ESPL1: variants seen among roughly 807,000 people sequenced by gnomAD.
ESPL1 encodes the protein separin.
ESPL1 carries 50 observed loss-of-function variants against 217.2 expected under a neutral mutation model. That is an observed-to-expected ratio of 0.23 (90% CI 0.18 to 0.29). ESPL1 has a LOEUF of 0.29. Among genes scored for constraint, ESPL1 ranks in the 10% least tolerant of loss-of-function variants. The pLI is 1.00. For synonymous variants in ESPL1, 994 were observed against 1,081.3 expected, an observed-to-expected ratio of 0.92 and a Z score of 1.58; for missense variants, 1,834 against 2,603.0, an observed-to-expected ratio of 0.70 and a Z score of 6.43.
intron 22 of ESPL1, 22 bp from the exon 23 acceptor site, chr12:53,290,063 C>G (rs770487241): frequency 5.6e-6 from 9 of 1,608,260 alleles, no homozygotes; most frequent in Non-Finnish European, 8.5e-7. Flanking sequence ...CTGAATGAGT[C>G]TGGCTGTATC....
rs1385191435 is a variant in ESPL1 at position 53,292,821 on chromosome 12, G to C, written c.6012G>C (p.Gly2004=). 1 of 1,609,592 alleles carries C rather than the reference G, an allele frequency of 6.2e-7. No homozygotes were observed. Among genetic ancestry groups the C allele is most frequent in the African/African-American group, 1.3e-5 (1 of 74,940 alleles). ...KHDLYIYAGH[G]AGARFLDGQA... ...TCTGCCTTAGCTATGCAGGGCATGGGGCTGGTGCCCGCTTCCTTGATGGGC... is the reference window on the plus strand; with the variant it reads ...TCTGCCTTAGCTATGCAGGGCATGGCGCTGGTGCCCGCTTCCTTGATGGGC... Residue 2004 remains glycine, a synonymous_variant, in exon 30 of 31, where the codon GGG becomes GGC. Transcript: ENST00000257934. The surrounding 1 kb of genome is among the most constrained non-coding windows in gnomAD (Gnocchi z 4.5).
Position 53,292,186 on chromosome 12 carries a change from G to C in ESPL1, c.5797-92G>C. 7.1e-7 allele frequency: 1 copy of C among 1,411,614 alleles called. No homozygotes were observed. The highest frequency in any genetic ancestry group is 1.0e-6 in the Non-Finnish European group (1 of 996,380). The allele number at this position is 1,411,614 out of a possible 1,614,324, so 87.4% of individuals were successfully genotyped here. On this transcript the variant is annotated intron_variant, in intron 27 of 30. Transcript: ENST00000257934. This position sits in a 1 kb window ranked among gnomAD's most constrained non-coding sequence, Gnocchi z 4.5. ...CCTGAGAAGATAGGAGAGGGTCCTA[G>C]GAATGGCTCAGACATGGAAAGGGGC...
At chr12:53,273,837 T>G (rs1409667042) in intron 6 of ESPL1, among the ~76,000 whole-genome samples, 9 of 9,896 alleles carry the variant, frequency 9.1e-4, no homozygotes, top group Non-Finnish European at 1.4e-3. Context: ...GGTTTTTTGG[T>G]TTTTTTTTTT....
Position 53,286,386 on chromosome 12 carries a change from G to A in ESPL1, c.3650G>A (p.Ser1217Asn). Reference protein sequence around the residue: ...NHKTPPSLVPSLLDEILAQAY... With the variant: ...NHKTPPSLVPNLLDEILAQAY... ...AAAACACCCCCCTCCTTGGTTCCAA[G>A]CCTCTTGGATGAGATCTTGGCTCAA... is the stretch of plus-strand genomic sequence containing the variant. The change falls in exon 18 of 31, where the codon AGC (serine) becomes AAC (asparagine). Residue 1217 changes from serine (S) to asparagine (N), a missense_variant. This residue lies in a region of ESPL1 where 681 missense variants were observed against 808.0 expected (regional missense o/e 0.84). Coordinates refer to ENST00000257934, the MANE Select transcript of ESPL1 (RefSeq NM_012291.5). The surrounding 1 kb of genome is among the most constrained non-coding windows in gnomAD (Gnocchi z 5.3). 1.2e-6 allele frequency: 2 copies of A among 1,614,216 alleles called. No individual in the cohort carries two copies. Among genetic ancestry groups the A allele is most frequent in the Non-Finnish European group, 8.5e-7 (1 of 1,180,050 alleles).
At chr12:53,289,362 T>C in intron 21 of ESPL1, 42 bp from the exon 22 acceptor site, 2 of 1,610,694 alleles carry the variant, frequency 1.2e-6, no homozygotes, top group Non-Finnish European at 1.7e-6. Context: ...AGGTCCAGAC[T>C]TTGAAGGAAT....
Position 53,292,001 on chromosome 12 carries a change from G to A in ESPL1, c.5709G>A (p.Pro1903=), listed in dbSNP as rs539162861. The A allele has an allele frequency of 4.0e-5, 65 of 1,613,988 alleles. 1 individual carries two copies. The highest frequency in any genetic ancestry group is 5.5e-5 in the South Asian group (5 of 91,088). The change falls in exon 27 of 31, where the codon CCG becomes CCA. Residue 1903 remains proline, a synonymous_variant. Coordinates refer to ENST00000257934, the MANE Select transcript of ESPL1 (RefSeq NM_012291.5). The surrounding 1 kb of genome is among the most constrained non-coding windows in gnomAD (Gnocchi z 4.5). ...TTGCCCAGGACTTGCAGAAGCTGCC[G>A]TGGGAAAGCATGCCCAGCCTCCAAG... ...LVLDKDLQKL[P]WESMPSLQAL... is the part of the protein sequence containing the mutation.
In ESPL1 at chr12:53,282,524, C is replaced by CCACA; in HGVS notation, c.2791+89_2791+90insCACA. 7.9e-7 allele frequency: 1 copy of CCACA among 1,261,212 alleles called. No individual in the cohort carries two copies. The highest frequency in any genetic ancestry group is 1.1e-6 in the Non-Finnish European group (1 of 890,562). 78.1% of individuals were successfully genotyped at this position (1,261,212 alleles called of 1,614,324 possible). A position where few individuals can be genotyped will look rare whatever the true frequency, so the allele number is the denominator to read the frequency against. On this transcript the variant is annotated intron_variant, in intron 14 of 30. Transcript: ENST00000257934. The surrounding 1 kb of genome is among the most constrained non-coding windows in gnomAD (Gnocchi z 4.0). ...TCTCAAACCTCATCCCCTCTGCTGG[C>CCACA]TAACTATGTGGCCCAGCCTACCTAG... is the stretch of plus-strand genomic sequence containing the variant.
At chr12:53,285,010 C>CAAAAAA (rs546915854) in intron 17 of ESPL1, among the ~76,000 whole-genome samples, 2 of 100,496 alleles carry the variant, frequency 2.0e-5, no homozygotes, top group African/African-American at 3.7e-5. Flanking sequence ...GACTCTGACT[C>CAAAAAA]AAAAAAAAAA....
chr12:53,272,041 C>T (rs149190162), intron 5 of ESPL1, among the ~76,000 whole-genome samples: 7,933 of 149,782 alleles, frequency 0.053, 364 homozygotes, highest in East Asian at 0.15. Context: ...GAGCCAAGAT[C>T]GTGCCACTGC....
chr12:53,278,047 C>T (rs1943801016), intron 11 of ESPL1, 87 bp downstream of exon 11: 1 of 1,382,020 alleles, frequency 7.2e-7, no homozygotes, highest in East Asian at 2.3e-5. Flanking sequence ...CTGTGATCCT[C>T]CTGAGAAGCC....
chr12:53,288,894 T>A (rs1944005015), intron 20 of ESPL1, 195 bp downstream of exon 20: 2 of 703,596 alleles, frequency 2.8e-6, no homozygotes, highest in Non-Finnish European at 4.8e-6. Flanking sequence ...TCTGTAAAAA[T>A]GGGGTTTAGG....
chr12:53,290,014 A>G lies in ESPL1; in HGVS notation c.5114-71A>G. 3.2e-6 allele frequency: 5 copies of G among 1,555,214 alleles called. No individual in the cohort carries two copies. In the South Asian group the frequency reaches 5.9e-5, roughly 18 times the overall value. Reference sequence around the variant, plus strand: ...ATGCTGGCTTGAGTGATGGATAGGAATTGAGTGCCCAAGACAGGGAAGGGA... The same window carrying G: ...ATGCTGGCTTGAGTGATGGATAGGAGTTGAGTGCCCAAGACAGGGAAGGGA... On this transcript the variant is annotated intron_variant, in intron 22 of 30. Coordinates refer to ENST00000257934, the MANE Select transcript of ESPL1 (RefSeq NM_012291.5).
rs566763422 is a variant in ESPL1 at position 53,269,898 on chromosome 12, C to T, written c.956C>T (p.Ser319Leu). The part of the protein sequence containing the change: ...QAVAKLLIKA[S>L]AVLSKSMEAP... Reference sequence around the variant, plus strand: ...GTGGCCAAGCTTCTGATCAAGGCATCAGCTGTCCTGAGCAAGAGTATGGAG... The same window carrying T: ...GTGGCCAAGCTTCTGATCAAGGCATTAGCTGTCCTGAGCAAGAGTATGGAG... The change falls in exon 3 of 31, where the codon TCA becomes TTA. Residue 319 changes from serine (S) to leucine (L), a missense_variant. Around this residue, in one of 5 missense-constraint regions of ESPL1, gnomAD observed 746 missense variants for 1,077.0 expected, o/e 0.69. Transcript: ENST00000257934. The surrounding 1 kb of genome is among the most constrained non-coding windows in gnomAD (Gnocchi z 6.7). 20 of 1,614,226 alleles carry T rather than the reference C, an allele frequency of 1.2e-5. No homozygotes were observed. In the South Asian group the frequency reaches 2.1e-4, roughly 17 times the overall value.
chr12:53,270,120 G>C, intron 3 of ESPL1, 35 bp downstream of exon 3: 1 of 1,544,910 alleles, frequency 6.5e-7, no homozygotes. Context: ...GTGGGGACGT[G>C]GTCTGTGGAC....
Position 53,293,576 on chromosome 12 carries a change from G to A in ESPL1, c.*102G>A, listed in dbSNP as rs1944100855. On this transcript the variant is annotated 3_prime_UTR_variant, in exon 31 of 31. Transcript: ENST00000257934. This position sits in a 1 kb window ranked among gnomAD's most constrained non-coding sequence, Gnocchi z 4.2. The stretch of plus-strand genomic sequence containing the variant: ...AACTCTTTTAAAGTGATTTTCCCCA[G>A]TGTTTTATATGAAACATTTCCTTTT... 1 of 877,354 alleles carries A rather than the reference G, an allele frequency of 1.1e-6. No homozygotes were observed. Among genetic ancestry groups the A allele is most frequent in the Admixed American group, 2.3e-5 (1 of 43,952 alleles). The allele number at this position is 877,354 out of a possible 1,614,324, so 54.3% of individuals were successfully genotyped here. A position where few individuals can be genotyped will look rare whatever the true frequency, so the allele number is the denominator to read the frequency against.
chr12:53,278,212 GTTA>G (rs1360696982), intron 11 of ESPL1, among the ~76,000 whole-genome samples: 4 of 152,158 alleles, frequency 2.6e-5, no homozygotes, highest in Non-Finnish European at 2.9e-5. Flanking sequence ...GCCTCGTGGC[GTTA>G]TTATTCAGTG....
chr12:53,283,444 G>A lies in ESPL1; in HGVS notation c.2983G>A (p.Val995Ile), dbSNP rs1265867223. The A allele has an allele frequency of 2.5e-6, 4 of 1,614,014 alleles. No homozygotes were observed. The highest frequency in any genetic ancestry group is 2.2e-5 in the South Asian group (2 of 91,084). ...GGTGCTGAGCTGCTCAGAGAAGCTG[G>A]TCTGCCACCTGGGCCGCCTGGGTAG... is the stretch of plus-strand genomic sequence containing the variant. ...SEVLSCSEKL[V>I]CHLGRLGSVS... The change falls in exon 16 of 31, where the codon GTC becomes ATC. Residue 995 changes from valine (V) to isoleucine (I), a missense_variant. Transcript: ENST00000257934.
Position 53,283,185 on chromosome 12 carries a change from A to G in ESPL1, c.2848A>G (p.Ile950Val), listed in dbSNP as rs1238029132. ...IDSHKLLRSI[I>V]LLLMGSDILS... ...CTCCCATAAGCTCCTCCGAAGCATC[A>G]TCCTCCTGCTGATGGGCAGTGACAT... The change falls in exon 15 of 31, where the codon ATC becomes GTC. Residue 950 changes from isoleucine (I) to valine (V), a missense_variant. Around this residue, in one of 5 missense-constraint regions of ESPL1, gnomAD observed 107 missense variants for 171.7 expected, o/e 0.62. Coordinates refer to ENST00000257934, the MANE Select transcript of ESPL1 (RefSeq NM_012291.5). 6.2e-7 allele frequency: 1 copy of G among 1,614,210 alleles called. No individual in the cohort carries two copies. Among genetic ancestry groups the G allele is most frequent in the Non-Finnish European group, 8.5e-7 (1 of 1,180,028 alleles).
rs1944008963 is a variant in ESPL1 at position 53,289,140 on chromosome 12, G to T, written c.4759G>T (p.Gly1587Cys). Reference protein sequence around the residue: ...ICDSLSVAFRGISHCPPSGLY... With the variant: ...ICDSLSVAFRCISHCPPSGLY... ...TGACTCCCTGAGTGTTGCTTTCCGG[G>T]GCATTAGTCACTGTCCTCCTAGTGG... Residue 1587 changes from glycine (G) to cysteine (C), a missense_variant, in exon 21 of 31, where the codon GGC (glycine) becomes TGC (cysteine). Physicochemically the swap from Gly to Cys is radical, Grantham distance 159. This residue lies in a region of ESPL1 where 681 missense variants were observed against 808.0 expected (regional missense o/e 0.84). Coordinates refer to ENST00000257934, the MANE Select transcript of ESPL1 (RefSeq NM_012291.5). 1.2e-6 allele frequency: 2 copies of T among 1,614,048 alleles called. No individual in the cohort carries two copies. The highest frequency in any genetic ancestry group is 1.3e-5 in the African/African-American group (1 of 74,896).
Sources: gnomAD v4.1 joint callset for allele counts (sites outside exome capture counted in the v4.1 genomes callset) on GRCh38, gnomAD v4.1.1 for gene constraint, gnomAD v4.1.1 regional missense constraint, Gnocchi (gnomAD v3.1) non-coding constraint, MANE v1.5 for transcripts, NCBI Gene and HGNC (gene_info 2026-07-23, HGNC 2026-07-21) for gene names.